CENPI: variants seen among roughly 807,000 people sequenced by gnomAD.
CENPI encodes the protein centromere protein I.
In CENPI, 4 loss-of-function variants were observed where a neutral mutation model predicts 60.4. The ratio of observed to expected loss-of-function variants is 0.07; its 90% CI spans 0.03 to 0.15. The LOEUF (loss-of-function observed/expected upper bound fraction) is 0.15, where lower values mean the gene tolerates loss of function less well. CENPI is among the 10% of genes least tolerant of loss of function. The probability of loss-of-function intolerance (pLI) is 1.00; values close to 1 mark genes in which losing one functional copy is unlikely to be tolerated. For missense variants in CENPI, 444 were observed against 534.5 expected, an observed-to-expected ratio of 0.83 and a Z score of 1.67; for synonymous variants, 157 against 189.4, an observed-to-expected ratio of 0.83 and a Z score of 1.40.
intron 8 of CENPI, among the ~76,000 whole-genome samples, chrX:101,126,487 G>A (rs189198132): frequency 1.1e-3 from 122 of 111,712 alleles, no homozygotes; most frequent in African/African-American, 3.8e-3. Flanking sequence ...AGTAAAGTTG[G>A]AAAAGGTCCT....
intron 15 of CENPI, 40 bp from the exon 16 acceptor site, chrX:101,140,626 A>T: frequency 1.0e-6 from 1 of 967,302 alleles, no homozygotes; most frequent in Non-Finnish European, 1.5e-6. Context: ...GTTATGTCTG[A>T]ATGATTTCAT....
At chrX:101,105,299 C>T (rs753454007) in intron 4 of CENPI, among the ~76,000 whole-genome samples, 5 of 111,341 alleles carry the variant, frequency 4.5e-5, no homozygotes, top group Admixed American at 3.9e-4. Flanking sequence ...CCGAGGTGGG[C>T]GGATCACGAG....
rs1199374455 is a variant in CENPI at position 101,101,182 on chromosome X, A to G, written c.112A>G (p.Asn38Asp). The change falls in exon 3 of 22, where the codon AAC (asparagine) becomes GAC (aspartate). Residue 38 changes from asparagine to aspartate, a missense_variant. Asn to Asp is a conservative substitution (Grantham distance 23). Coordinates refer to ENST00000682095, the MANE Select transcript of CENPI (RefSeq NM_001386188.2). ...CTGGAAAGTAAAACAGGATCCAAGC[A>G]ACTCGAAGAACATCTCAAAACATGG... ...SAWKVKQDPS[N>D]SKNISKHGQN... 8.3e-7 allele frequency: 1 copy of G among 1,208,165 alleles called. No homozygotes were observed. The highest frequency in any genetic ancestry group is 2.2e-5 in the Admixed American group (1 of 45,967).
the CENPI span, among the ~76,000 whole-genome samples, chrX:101,176,844 T>C: frequency 8.9e-6 from 1 of 112,740 alleles, no homozygotes; most frequent in Non-Finnish European, 1.9e-5. Context: ...CATAGACCAA[T>C]GTTTTATAGT....
At chrX:101,128,627 G>A (rs112057339) in intron 11 of CENPI, 89 bp from the exon 12 acceptor site, 136,677 of 990,051 alleles carry the variant, frequency 0.14, 6,986 homozygotes, top group Middle Eastern at 0.23. Context: ...ACCATGCCCA[G>A]CCTATTTTTG....
At position 101,127,505 on chromosome X, in the gene CENPI, A is replaced by T; in HGVS notation, c.914A>T (p.Asn305Ile). The T allele has an allele frequency of 8.6e-7, 1 of 1,168,748 alleles. No homozygotes were observed. Among genetic ancestry groups the T allele is most frequent in the Non-Finnish European group, 1.1e-6 (1 of 874,036 alleles). ...TTTATTATCTTTCTTCAGAAGTGGA[A>T]TTCTCTCTCAGTTATACCAGTGCTC... Reference protein sequence around the residue: ...ANVRPLKRKWNSLSVIPVLNS... With the variant: ...ANVRPLKRKWISLSVIPVLNS... The change falls in exon 11 of 22, where the codon AAT becomes ATT. Residue 305 changes from asparagine to isoleucine, a missense_variant. Asn to Ile is a moderately radical substitution (Grantham distance 149). Coordinates refer to ENST00000682095, the MANE Select transcript of CENPI (RefSeq NM_001386188.2).
intron 20 of CENPI, among the ~76,000 whole-genome samples, chrX:101,148,577 G>A (rs956156464): frequency 5.3e-5 from 6 of 112,193 alleles, no homozygotes; most frequent in African/African-American, 1.9e-4. Context: ...AGTACAATTA[G>A]AGTCTTAGTC....
intron 4 of CENPI, among the ~76,000 whole-genome samples, chrX:101,107,813 C>T (rs1270518265): frequency 2.8e-5 from 3 of 106,253 alleles, no homozygotes; most frequent in Non-Finnish European, 5.8e-5. Context: ...GGATTACAGG[C>T]GCCTACCACA....
chrX:101,120,662 A>G (rs1363335674), intron 7 of CENPI, 76 bp from the exon 8 acceptor site: 2 of 911,700 alleles, frequency 2.2e-6, no homozygotes, highest in Non-Finnish European at 3.2e-6. Flanking sequence ...TATGAATTGC[A>G]TGGTGGTTAA....
chrX:101,103,776 T>G (rs2148130680), intron 4 of CENPI, among the ~76,000 whole-genome samples: 1 of 112,282 alleles, frequency 8.9e-6, no homozygotes, highest in Admixed American at 9.5e-5. Context: ...CAAAAGTTTC[T>G]GTGTGCATAT....
intron 6 of CENPI, among the ~76,000 whole-genome samples, chrX:101,117,713 G>A (rs2089637991): frequency 8.9e-6 from 1 of 111,777 alleles, no homozygotes; most frequent in African/African-American, 3.3e-5. Flanking sequence ...CACATTGGGT[G>A]GGTCCTAAGC....
intron 13 of CENPI, 21 bp downstream of exon 13, chrX:101,130,094 T>G (rs1374852203): frequency 9.8e-7 from 1 of 1,015,529 alleles, no homozygotes; most frequent in African/African-American, 1.9e-5. Flanking sequence ...ACTTGCTTCT[T>G]CCACTCTCCA....
At position 101,160,822 on chromosome X, in the gene CENPI, G is replaced by C. The variant is rs1164635154; in HGVS notation, c.2095-706G>C. Reference sequence around the variant, plus strand: ...TACCATGATTTGATCATTAAACAAAGTATACACATATTGAAACATTGCACT... The same window carrying C: ...TACCATGATTTGATCATTAAACAAACTATACACATATTGAAACATTGCACT... On this transcript the variant is annotated intron_variant, in intron 20 of 21. Coordinates refer to ENST00000682095, the MANE Select transcript of CENPI (RefSeq NM_001386188.2). 5.4e-5 allele frequency among the ~76,000 whole-genome samples: 6 copies of C among 111,670 alleles called. 1 individual carries two copies. The highest frequency in any genetic ancestry group is 4.8e-4 in the Admixed American group (5 of 10,429).
chrX:101,149,647 C>T (rs1011122792), intron 20 of CENPI, among the ~76,000 whole-genome samples: 2 of 110,086 alleles, frequency 1.8e-5, no homozygotes, highest in African/African-American at 6.6e-5. Flanking sequence ...GCTGGGATTA[C>T]AAGTGCCCAC....
rs1362594543 is a variant in CENPI, at chrX:101,166,058, T to C, written c.*3091T>C. ...AATAATTTTTCCCTTAGGTTTGTCT[T>C]TTTGTTCAATAATGATTCCCTGGGT... is the stretch of plus-strand genomic sequence containing the variant. On this transcript the variant is annotated 3_prime_UTR_variant, in exon 22 of 22. Transcript: ENST00000682095. 2.7e-5 allele frequency among the ~76,000 whole-genome samples: 3 copies of C among 112,569 alleles called. No individual in the cohort carries two copies. The East Asian group carries it at 8.3e-4, about 31-fold the overall frequency.
chrX:101,143,827 C>A (rs975381747), intron 16 of CENPI, among the ~76,000 whole-genome samples: 1 of 112,031 alleles, frequency 8.9e-6, no homozygotes, highest in Non-Finnish European at 1.9e-5. Context: ...CTGCCCCCAG[C>A]CAAATTCAAG....
chrX:101,152,952 T>G (rs1397221894), intron 20 of CENPI, among the ~76,000 whole-genome samples: 5 of 108,822 alleles, frequency 4.6e-5, no homozygotes, highest in Admixed American at 4.1e-4. Flanking sequence ...TATATATACT[T>G]AAGAGTGGGA....
chrX:101,154,387 G>A (rs779374101), intron 20 of CENPI, among the ~76,000 whole-genome samples: 2 of 110,704 alleles, frequency 1.8e-5, no homozygotes, highest in South Asian at 7.8e-4. Flanking sequence ...GGCCAACATG[G>A]TGAAATGTTG....
chrX:101,102,855 A>ATTT (rs777790665), intron 4 of CENPI, among the ~76,000 whole-genome samples: 1 of 81,506 alleles, frequency 1.2e-5, no homozygotes, highest in Admixed American at 1.5e-4. Flanking sequence ...AATTTTTTGT[A>ATTT]TTTTTTTTTT....
Sources: gnomAD v4.1 joint callset for allele counts (sites outside exome capture counted in the v4.1 genomes callset) on GRCh38, gnomAD v4.1.1 for gene constraint, MANE v1.5 for transcripts, NCBI Gene and HGNC (gene_info 2026-07-23, HGNC 2026-07-21) for gene names.